The following CLVS1 variants were observed in gnomAD, a reference collection of about 807,000 sequenced individuals.
CLVS1 encodes the protein clavesin-1.
Under a neutral mutation model 33.1 loss-of-function variants are expected in CLVS1, and 10 were observed. That is an observed-to-expected ratio of 0.30 (90% CI 0.19 to 0.51). CLVS1 has a LOEUF of 0.51. CLVS1 is among the 20% of genes least tolerant of loss of function. The pLI, the probability that CLVS1 is intolerant of heterozygous loss-of-function variation, is 0.97. For synonymous variants in CLVS1, 163 were observed against 166.1 expected, an observed-to-expected ratio of 0.98 and a Z score of 0.14; for missense variants, 343 against 433.4, an observed-to-expected ratio of 0.79 and a Z score of 1.85.
At chr8:61,475,093 A>G (rs1198072725) in intron 5 of CLVS1, among the ~76,000 whole-genome samples, 1 of 152,216 alleles carries the variant, frequency 6.6e-6, no homozygotes, top group East Asian at 1.9e-4. Context: ...GATGGTTTCC[A>G]GCTTCATCCA....
the CLVS1 span, among the ~76,000 whole-genome samples, chr8:61,001,175 G>A: frequency 6.6e-6 from 1 of 152,134 alleles, no homozygotes; most frequent in Admixed American, 6.5e-5. Flanking sequence ...TTGAGTTAGG[G>A]TCTTGCTGTA....
chr8:61,359,365 T>C (rs1406767206), intron 2 of CLVS1, among the ~76,000 whole-genome samples: 2 of 152,050 alleles, frequency 1.3e-5, no homozygotes, highest in African/African-American at 4.8e-5. Flanking sequence ...TTTTTTTTTT[T>C]CTTTTTTTGA....
chr8:61,280,773 T>C (rs1318859561), intron 2 of CLVS1, among the ~76,000 whole-genome samples: 1 of 152,126 alleles, frequency 6.6e-6, no homozygotes, highest in Non-Finnish European at 1.5e-5. Context: ...TTAGCCCTCA[T>C]AAGTGATCAT....
At position 61,300,011 on chromosome 8, in the gene CLVS1, A is replaced by G; in HGVS notation, c.184A>G (p.Thr62Ala). 6.2e-7 allele frequency: 1 copy of G among 1,614,014 alleles called. No homozygotes were observed. Among genetic ancestry groups the G allele is most frequent in the Non-Finnish European group, 8.5e-7 (1 of 1,179,962 alleles). ...TCAGCAAGTCAGGGACATGATCATC[A>G]CCAGGCCTGACATTGGATTTTTACG... ...DIQQVRDMII[T>A]RPDIGFLRTD... The change falls in exon 2 of 6, where the codon ACC (threonine) becomes GCC (alanine). Residue 62 changes from threonine to alanine, a missense_variant. Thr to Ala is a moderately conservative substitution (Grantham distance 58). Coordinates refer to ENST00000325897, the MANE Select transcript of CLVS1 (RefSeq NM_173519.3).
At chr8:61,052,243 TG>T (rs938314775), upstream of CLVS1, among the ~76,000 whole-genome samples, 4 of 152,340 alleles carry the variant, frequency 2.6e-5, no homozygotes, top group African/African-American at 9.6e-5. Flanking sequence ...CACCCAGTGC[TG>T]GGGAAATAGA....
intron 3 of CLVS1, among the ~76,000 whole-genome samples, chr8:61,441,687 T>C (rs978648530): frequency 3.3e-5 from 5 of 152,180 alleles, no homozygotes; most frequent in East Asian, 1.9e-4. Context: ...CTGTATCTGA[T>C]TGTTGAAGAG....
intron 5 of CLVS1, among the ~76,000 whole-genome samples, chr8:61,482,600 G>T (rs905273624): frequency 1.3e-5 from 2 of 152,182 alleles, no homozygotes; most frequent in African/African-American, 4.8e-5. Context: ...GGAAGAAAGG[G>T]TATTAGTGAT....
chr8:61,003,918 G>A, the CLVS1 span, among the ~76,000 whole-genome samples: 1 of 152,182 alleles, frequency 6.6e-6, no homozygotes, highest in Admixed American at 6.5e-5. Context: ...TAAAGACAAG[G>A]TAAGGGGTCA....
intron 3 of CLVS1, among the ~76,000 whole-genome samples, chr8:61,443,317 G>T (rs557618554): frequency 6.6e-6 from 1 of 152,270 alleles, no homozygotes; most frequent in East Asian, 1.9e-4. Flanking sequence ...GCCAGTCCTA[G>T]ATATTGAAGA....
intron 1 of CLVS1, among the ~76,000 whole-genome samples, chr8:61,081,301 A>C (rs1003292948): frequency 2.0e-5 from 3 of 152,160 alleles, no homozygotes; most frequent in Non-Finnish European, 4.4e-5. Context: ...TAAGAAAAAG[A>C]GGCAGAATGT....
At chr8:61,241,528 T>A (rs1337784812) in intron 2 of CLVS1, among the ~76,000 whole-genome samples, 3 of 152,124 alleles carry the variant, frequency 2.0e-5, no homozygotes, top group African/African-American at 7.2e-5. Context: ...TACCACTTCA[T>A]GTAAAAAGTA....
intron 2 of CLVS1, among the ~76,000 whole-genome samples, chr8:61,217,573 C>T (rs2129308771): frequency 6.6e-6 from 1 of 152,230 alleles, no homozygotes; most frequent in East Asian, 1.9e-4. Context: ...TGATACTAGA[C>T]TTCATAAAAA....
chr8:61,016,404 C>A, the CLVS1 span, among the ~76,000 whole-genome samples: 1 of 152,216 alleles, frequency 6.6e-6, no homozygotes, highest in Non-Finnish European at 1.5e-5. Flanking sequence ...AGAGGTTTAT[C>A]TTGGGTGGGG....
chr8:61,008,734 A>G, the CLVS1 span, among the ~76,000 whole-genome samples: 1 of 152,290 alleles, frequency 6.6e-6, no homozygotes, highest in East Asian at 1.9e-4. Flanking sequence ...GATATTGCTG[A>G]GTTACCCTGC....
In CLVS1 at chr8:61,356,265, G is replaced by GT. The variant is rs1245856914; in HGVS notation, c.456-20333dup. On this transcript the variant is annotated intron_variant, in intron 2 of 5. Transcript: ENST00000325897. ...CACCCAGTTTTTGATGGGGTTGTTT[G>GT]TTTTTTTCTTGTAAATTTGTTTGAG... Among the ~76,000 whole-genome samples the GT allele has an allele frequency of 8.5e-5, 13 of 152,134 alleles. 1 individual carries two copies. In the South Asian group the frequency reaches 1.7e-3, roughly 19 times the overall value.
intron 2 of CLVS1, among the ~76,000 whole-genome samples, chr8:61,174,284 G>T (rs1807068093): frequency 2.6e-5 from 4 of 152,122 alleles, no homozygotes. Context: ...GTTAGAATTA[G>T]CAGTCAAGGA....
the CLVS1 span, among the ~76,000 whole-genome samples, chr8:61,000,734 C>G: frequency 1.3e-5 from 2 of 152,238 alleles, no homozygotes; most frequent in South Asian, 4.1e-4. Flanking sequence ...CAAGTCAAGC[C>G]AGGGGTCAGG....
chr8:60,991,492 A>G, the CLVS1 span, among the ~76,000 whole-genome samples: 2 of 152,238 alleles, frequency 1.3e-5, no homozygotes, highest in Admixed American at 6.5e-5. Context: ...TCCTCACAGC[A>G]GATCCTTATC....
chr8:61,241,079 A>C (rs1808689642), intron 2 of CLVS1, among the ~76,000 whole-genome samples: 4 of 152,134 alleles, frequency 2.6e-5, no homozygotes, highest in Admixed American at 2.0e-4. Context: ...GTTCACAGAC[A>C]GTCATCCTTA....
Sources: gnomAD v4.1 joint callset for allele counts (sites outside exome capture counted in the v4.1 genomes callset) on GRCh38, gnomAD v4.1.1 for gene constraint, MANE v1.5 for transcripts, NCBI Gene and HGNC (gene_info 2026-07-23, HGNC 2026-07-21) for gene names.